The following CRACR2A variants were observed in gnomAD, a reference collection of about 807,000 sequenced individuals.
The protein encoded by CRACR2A is EF-hand calcium-binding domain-containing protein 4B.
CRACR2A carries 79 observed loss-of-function variants against 90.5 expected under a neutral mutation model. That is an observed-to-expected ratio of 0.87 (90% confidence interval 0.73 to 1.05). CRACR2A has a LOEUF of 1.05. Among genes scored for constraint, CRACR2A ranks in the 50% least tolerant of loss-of-function variants. The probability of loss-of-function intolerance (pLI) is 0.00; values close to 1 mark genes in which losing one functional copy is unlikely to be tolerated. For synonymous variants in CRACR2A, 338 were observed against 356.7 expected (o/e 0.95, Z 0.59); for missense variants, 823 against 897.2 (o/e 0.92, Z 1.06).
intron 3 of CRACR2A, among the ~76,000 whole-genome samples, chr12:3,701,534 A>C (rs1475141337): frequency 6.6e-6 from 1 of 152,172 alleles, no homozygotes; most frequent in Admixed American, 6.5e-5. Context: ...GAATATTATG[A>C]ATAACTTTAT....
chr12:3,724,448 C>T (rs1284678183), intron 2 of CRACR2A, among the ~76,000 whole-genome samples: 2 of 152,200 alleles, frequency 1.3e-5, no homozygotes, highest in African/African-American at 2.4e-5. Flanking sequence ...CAGTGCCCCG[C>T]GAGACGCCTC....
intron 1 of CRACR2A, among the ~76,000 whole-genome samples, chr12:3,744,832 C>G (rs1412635926): frequency 6.6e-6 from 1 of 152,158 alleles, no homozygotes; most frequent in African/African-American, 2.4e-5. Flanking sequence ...ACAGTTAAAA[C>G]CAAACCTTCT....
intron 1 of CRACR2A, among the ~76,000 whole-genome samples, chr12:3,749,727 G>T (rs1001761323): frequency 3.3e-5 from 5 of 151,996 alleles, no homozygotes; most frequent in Non-Finnish European, 4.4e-5. Context: ...AAAAGGCAAA[G>T]AAATGACCAA....
intron 7 of CRACR2A, among the ~76,000 whole-genome samples, chr12:3,660,100 T>C (rs1221047286): frequency 6.6e-6 from 1 of 152,212 alleles, no homozygotes; most frequent in African/African-American, 2.4e-5. Context: ...CGTTTCCTGG[T>C]TTATCTTGTC....
At chr12:3,679,655 A>G (rs190303762) in intron 5 of CRACR2A, among the ~76,000 whole-genome samples, 12 of 152,358 alleles carry the variant, frequency 7.9e-5, no homozygotes, top group African/African-American at 2.9e-4. Flanking sequence ...AGAAAATTAT[A>G]TGGCCCCACA....
chr12:3,739,729 A>C (rs1946497134), intron 1 of CRACR2A, among the ~76,000 whole-genome samples: 1 of 152,054 alleles, frequency 6.6e-6, no homozygotes. Flanking sequence ...AAGTCAGGAG[A>C]TTGAGACCAG....
At chr12:3,644,545 T>C (rs773923575) in intron 12 of CRACR2A, 50 bp downstream of exon 12, 6 of 1,520,890 alleles carry the variant, frequency 3.9e-6, no homozygotes, top group Non-Finnish European at 5.4e-6. Flanking sequence ...GGCTGTCCAG[T>C]GGACCACAGC....
intron 15 of CRACR2A, among the ~76,000 whole-genome samples, chr12:3,630,387 G>C (rs1944357856): frequency 6.6e-6 from 1 of 152,170 alleles, no homozygotes; most frequent in African/African-American, 2.4e-5. Flanking sequence ...ATGGGGAGCA[G>C]GGGCAGCAAG....
intron 11 of CRACR2A, chr12:3,647,800 C>T: frequency 1.0e-6 from 1 of 961,344 alleles, no homozygotes; most frequent in East Asian, 1.2e-4. Flanking sequence ...AAATCAGAAC[C>T]CAAAGTCCTT....
chr12:3,644,499 G>T, intron 12 of CRACR2A, 96 bp downstream of exon 12: 1 of 1,280,216 alleles, frequency 7.8e-7, no homozygotes. Context: ...GATCCCGAGT[G>T]TCAGGACATT....
At chr12:3,717,653 G>A (rs1018592364) in intron 2 of CRACR2A, among the ~76,000 whole-genome samples, 1 of 152,192 alleles carries the variant, frequency 6.6e-6, no homozygotes, top group Non-Finnish European at 1.5e-5. Flanking sequence ...TCTCATTTAT[G>A]AGTCACTATC....
intron 13 of CRACR2A, chr12:3,640,635 G>T (rs1944548451): frequency 7.7e-7 from 1 of 1,305,082 alleles, no homozygotes; most frequent in South Asian, 1.2e-5. Context: ...TGATGATCAG[G>T]CCCAAAGGTT....
chr12:3,670,980 A>T (rs1360548131), intron 7 of CRACR2A, among the ~76,000 whole-genome samples: 2 of 152,216 alleles, frequency 1.3e-5, no homozygotes, highest in Non-Finnish European at 2.9e-5. Context: ...AGAGGCTGGA[A>T]CCTTTGGCTG....
chr12:3,727,815 C>A (rs960582505), intron 2 of CRACR2A: 7 of 152,166 alleles, frequency 4.6e-5, no homozygotes, highest in Admixed American at 2.0e-4. Flanking sequence ...TTAATTAGAA[C>A]CCCAAACCTC....
In CRACR2A at chr12:3,636,998, C is replaced by T. The variant is rs187151009; in HGVS notation, c.1602+1126G>A. On this transcript the variant is annotated intron_variant, in intron 14 of 19. Transcript: ENST00000440314. ...GATCGTTCTAAACTGTTTCAGAAGG[C>T]GGAGTGCAGGATGAGGGCTCGAGGG... Among the ~76,000 whole-genome samples, 5 of 152,270 alleles carry T rather than the reference C, an allele frequency of 3.3e-5. No homozygotes were observed. In the South Asian group the frequency reaches 6.2e-4, roughly 19 times the overall value.
intron 18 of CRACR2A, among the ~76,000 whole-genome samples, chr12:3,618,160 T>C (rs1019248607): frequency 2.7e-5 from 4 of 147,038 alleles, no homozygotes; most frequent in African/African-American, 1.0e-4. Flanking sequence ...CTTAGTTTTT[T>C]TTTCACTAAC....
chr12:3,730,077 C>G (rs770718115), intron 2 of CRACR2A: 1 of 152,170 alleles, frequency 6.6e-6, no homozygotes, highest in Admixed American at 6.5e-5. Flanking sequence ...GCTGCAATCT[C>G]AAGCATACAG....
chr12:3,663,182 C>T (rs1047263785), intron 7 of CRACR2A, among the ~76,000 whole-genome samples: 1 of 151,980 alleles, frequency 6.6e-6, no homozygotes, highest in Non-Finnish European at 1.5e-5. Flanking sequence ...ATGTTAATGC[C>T]AAAAACCTGT....
intron 7 of CRACR2A, among the ~76,000 whole-genome samples, chr12:3,666,631 T>G (rs1384158745): frequency 6.6e-6 from 1 of 152,262 alleles, no homozygotes; most frequent in African/African-American, 2.4e-5. Flanking sequence ...CAAAGTGTTT[T>G]GCACATGGCA....
Sources: allele counts gnomAD v4.1 joint callset (sites outside exome capture counted in the v4.1 genomes callset), GRCh38; gene constraint gnomAD v4.1.1; transcripts MANE v1.5; gene names NCBI Gene and HGNC (gene_info 2026-07-23, HGNC 2026-07-21).